The following PDZD2 variants were observed in gnomAD, a reference collection of about 807,000 sequenced individuals.
PDZD2 encodes the protein PDZ domain-containing protein 2.
PDZD2 carries 90 observed loss-of-function variants against 220.7 expected under a neutral mutation model. The observed-to-expected ratio is 0.41, with a 90% CI of 0.34 to 0.49. The LOEUF is 0.49. Among genes scored for constraint, PDZD2 ranks in the 20% least tolerant of loss-of-function variants. PDZD2 has a pLI of 0.28. For synonymous variants in PDZD2, 1,375 were observed against 1,450.5 expected (o/e 0.95, Z 1.18); for missense variants, 3,174 against 3,608.5 (o/e 0.88, Z 3.08).
At chr5:31,648,100 T>C (rs1299183582) in intron 1 of PDZD2, among the ~76,000 whole-genome samples, 1 of 152,228 alleles carries the variant, frequency 6.6e-6, no homozygotes, top group East Asian at 1.9e-4. Context: ...ACAACTGATA[T>C]TCATTGTTTT....
chr5:31,929,110 C>T (rs1212728788), intron 2 of PDZD2, among the ~76,000 whole-genome samples: 1 of 152,276 alleles, frequency 6.6e-6, no homozygotes, highest in East Asian at 1.9e-4. Context: ...GTGACCCATC[C>T]ACCTGCTGCA....
At chr5:31,731,610 C>T (rs1749541932) in intron 1 of PDZD2, among the ~76,000 whole-genome samples, 1 of 152,120 alleles carries the variant, frequency 6.6e-6, no homozygotes. Flanking sequence ...TATTCTGTGA[C>T]CTTCTGTGTC....
At chr5:31,981,879 G>A (rs1167455563) in intron 2 of PDZD2, among the ~76,000 whole-genome samples, 1 of 152,094 alleles carries the variant, frequency 6.6e-6, no homozygotes, top group African/African-American at 2.4e-5. Flanking sequence ...ATCCGGTCCC[G>A]AATACCCCTA....
rs767817302 is a variant in PDZD2 at position 32,089,613 on chromosome 5, G to A, written c.6165G>A (p.Pro2055=). Residue 2055 remains proline (P), a synonymous_variant, in exon 20 of 25, where the codon CCG becomes CCA. Coordinates refer to ENST00000438447, the MANE Select transcript of PDZD2 (RefSeq NM_178140.4). ...MSVAGNRQSE[P]RLASHVAADT... ...TGGCAGGGAACAGACAGAGTGAGCCGCGCCTGGCCAGCCATGTGGCAGCAG... is the reference window on the plus strand; with the variant it reads ...TGGCAGGGAACAGACAGAGTGAGCCACGCCTGGCCAGCCATGTGGCAGCAG... 5.6e-5 allele frequency: 90 copies of A among 1,613,002 alleles called. 1 individual carries two copies. The highest frequency in any genetic ancestry group is 3.3e-4 in the Admixed American group (20 of 60,034).
At chr5:31,814,049 T>C (rs1463355694) in intron 2 of PDZD2, among the ~76,000 whole-genome samples, 2 of 152,206 alleles carry the variant, frequency 1.3e-5, no homozygotes, top group Non-Finnish European at 2.9e-5. Flanking sequence ...TAAAAAAGAA[T>C]ATTTGCTTGT....
intron 2 of PDZD2, among the ~76,000 whole-genome samples, chr5:31,805,360 G>A (rs1426368863): frequency 1.3e-5 from 2 of 152,184 alleles, no homozygotes; most frequent in Middle Eastern, 3.2e-3. Context: ...CTTTGTGACT[G>A]ACTGTTTCCT....
chr5:32,093,054 T>C lies in PDZD2; in HGVS notation c.7845+30T>C, dbSNP rs1302863934. 7 of 1,195,818 alleles carry C rather than the reference T, an allele frequency of 5.9e-6. No individual in the cohort carries two copies. The Admixed American group carries it at 6.9e-5, about 12-fold the overall frequency. 74.1% of individuals were successfully genotyped at this position (1,195,818 alleles called of 1,614,324 possible). ...GTGAAACACAGAAAGCTCAGGAACA[T>C]GAATTGCGGCCGCGTGAGTGCCCAG... On this transcript the variant is annotated intron_variant, in intron 21 of 24. Coordinates refer to ENST00000438447, the MANE Select transcript of PDZD2 (RefSeq NM_178140.4).
chr5:32,105,192 T>C (rs1744649692), intron 24 of PDZD2, among the ~76,000 whole-genome samples: 1 of 152,008 alleles, frequency 6.6e-6, no homozygotes, highest in Admixed American at 6.6e-5. Context: ...AACTATATAA[T>C]TCAGTAAGAA....
chr5:31,645,716 A>G (rs1406200054), intron 1 of PDZD2, among the ~76,000 whole-genome samples: 1 of 152,114 alleles, frequency 6.6e-6, no homozygotes, highest in Admixed American at 6.5e-5. Context: ...TTAACACAAC[A>G]GACCCTGTTG....
chr5:31,727,701 CAAAA>C (rs56763561), intron 1 of PDZD2, among the ~76,000 whole-genome samples: 18,290 of 90,374 alleles, frequency 0.2, 1,271 homozygotes, highest in East Asian at 0.31. Context: ...AGCTCAATCT[CAAAA>C]AAAAAAAAAA....
chr5:31,988,087 C>T (rs2111909207), intron 3 of PDZD2, among the ~76,000 whole-genome samples: 1 of 152,356 alleles, frequency 6.6e-6, no homozygotes, highest in South Asian at 2.1e-4. Flanking sequence ...CATTCATCCA[C>T]TGTCCCAACT....
In PDZD2 at chr5:31,656,237, A is replaced by G. The variant is rs146755430; in HGVS notation, c.-361+16800A>G. On this transcript the variant is annotated intron_variant, in intron 1 of 24. Transcript: ENST00000438447. ...AGAATGTTCACCTGCCCACCTGCCC[A>G]CTACTTAAATTCTGTCCATCTCTGA... 3.9e-5 allele frequency among the ~76,000 whole-genome samples: 6 copies of G among 152,030 alleles called. No individual in the cohort carries two copies. The East Asian group carries it at 9.6e-4, about 24-fold the overall frequency.
chr5:31,688,917 C>G (rs1224700811), intron 1 of PDZD2, among the ~76,000 whole-genome samples: 1 of 152,100 alleles, frequency 6.6e-6, no homozygotes, highest in Non-Finnish European at 1.5e-5. Context: ...ATTTCCCAAG[C>G]AGCAGCATCA....
At chr5:31,941,735 T>C (rs1041980376) in intron 2 of PDZD2, among the ~76,000 whole-genome samples, 2 of 152,212 alleles carry the variant, frequency 1.3e-5, no homozygotes, top group East Asian at 1.9e-4. Flanking sequence ...CATTAGATGC[T>C]CTTATGCCTG....
At chr5:31,753,819 G>C (rs528133338) in intron 1 of PDZD2, among the ~76,000 whole-genome samples, 1 of 152,178 alleles carries the variant, frequency 6.6e-6, no homozygotes, top group Non-Finnish European at 1.5e-5. Context: ...CCTCACAGAG[G>C]TGTTAGGCCT....
chr5:31,697,902 CATTTTTT>C (rs1747442478), intron 1 of PDZD2, among the ~76,000 whole-genome samples: 3 of 48,208 alleles, frequency 6.2e-5, no homozygotes, highest in East Asian at 1.3e-3. Context: ...TTATTATTAT[CATTTTTT>C]ATCATTTTTT....
chr5:31,688,357 A>G (rs1746959147), intron 1 of PDZD2, among the ~76,000 whole-genome samples: 1 of 152,226 alleles, frequency 6.6e-6, no homozygotes, highest in African/African-American at 2.4e-5. Context: ...AGGAGTTCTT[A>G]AAGAGATAAA....
At chr5:31,812,039 A>AAATAAAT (rs1561478794) in intron 2 of PDZD2, among the ~76,000 whole-genome samples, 50 of 113,904 alleles carry the variant, frequency 4.4e-4, no homozygotes, top group African/African-American at 6.0e-4. Context: ...AATAAATAAA[A>AAATAAAT]ATTCAAGCTC....
intron 2 of PDZD2, among the ~76,000 whole-genome samples, chr5:31,904,629 A>G (rs10472797): frequency 0.59 from 89,390 of 151,664 alleles, 27,931 homozygotes; most frequent in Middle Eastern, 0.74. Context: ...CTGGGTTCAC[A>G]CCATTCTCCT....
Sources: gnomAD v4.1 joint callset for allele counts (sites outside exome capture counted in the v4.1 genomes callset) on GRCh38, gnomAD v4.1.1 for gene constraint, MANE v1.5 for transcripts, NCBI Gene and HGNC (gene_info 2026-07-23, HGNC 2026-07-21) for gene names.